PCDH11X: variants seen among roughly 807,000 people sequenced by gnomAD.
PCDH11X encodes protocadherin-11 X-linked.
In PCDH11X, 18 loss-of-function variants were observed where a neutral mutation model predicts 53.3. That is an observed-to-expected ratio of 0.34 (90% CI 0.23 to 0.50). The LOEUF (loss-of-function observed/expected upper bound fraction) is 0.50. Ranked by LOEUF, PCDH11X falls within the 20% of genes least tolerant of loss-of-function variation. The pLI, the probability that PCDH11X is intolerant of heterozygous loss-of-function variation, is 0.98. For synonymous variants in PCDH11X, 279 were observed against 393.3 expected, an observed-to-expected ratio of 0.71 and a Z score of 3.44; for missense variants, 570 against 1,032.4, an observed-to-expected ratio of 0.55 and a Z score of 6.14.
intron 6 of PCDH11X, among the ~76,000 whole-genome samples, chrX:91,955,482 A>G (rs1230303694): frequency 9.1e-6 from 1 of 110,027 alleles, no homozygotes; most frequent in South Asian, 3.9e-4. Context: ...CATTCTCAGT[A>G]GTTTCAAAGA....
intron 8 of PCDH11X, among the ~76,000 whole-genome samples, chrX:92,338,628 T>G (rs1384223013): frequency 9.0e-6 from 1 of 111,264 alleles, no homozygotes; most frequent in Non-Finnish European, 1.9e-5. Context: ...CCTAATTTTA[T>G]ACAACATGAC....
intron 6 of PCDH11X, among the ~76,000 whole-genome samples, chrX:92,012,792 G>A (rs1041611004): frequency 2.7e-5 from 3 of 111,344 alleles, no homozygotes; most frequent in Admixed American, 9.6e-5. Flanking sequence ...GCAATAAAAC[G>A]AATATTCAAA....
intron 6 of PCDH11X, among the ~76,000 whole-genome samples, chrX:92,144,175 A>C (rs2065234435): frequency 9.1e-6 from 1 of 110,224 alleles, no homozygotes; most frequent in Non-Finnish European, 1.9e-5. Context: ...GCCTTGGCTC[A>C]GATGAGACTT....
intron 6 of PCDH11X, among the ~76,000 whole-genome samples, chrX:91,907,412 C>CCCACACACAGAG (rs1556333002): frequency 3.5e-5 from 2 of 57,469 alleles, no homozygotes; most frequent in African/African-American, 1.5e-4. Flanking sequence ...CACACACACA[C>CCCACACACAGAG]AGAGAGAGAG....
intron 6 of PCDH11X, among the ~76,000 whole-genome samples, chrX:91,966,078 A>C (rs1188992847): frequency 9.0e-6 from 1 of 111,531 alleles, no homozygotes; most frequent in Non-Finnish European, 1.9e-5. Context: ...AGGGGCAAGG[A>C]AACAATCATG....
chrX:91,985,139 G>GT (rs1350949151), intron 6 of PCDH11X, among the ~76,000 whole-genome samples: 1 of 111,934 alleles, frequency 8.9e-6, no homozygotes, highest in Non-Finnish European at 1.9e-5. Context: ...TATGGGTTTT[G>GT]TAGCAGGAGA....
At chrX:91,922,848 C>A (rs1941796567) in intron 6 of PCDH11X, among the ~76,000 whole-genome samples, 1 of 110,748 alleles carries the variant, frequency 9.0e-6, no homozygotes, top group South Asian at 3.9e-4. Context: ...GAGGTTAAAT[C>A]ACTTTTGCAG....
At chrX:91,983,162 G>T (rs1165701087) in intron 6 of PCDH11X, 1 of 937,635 alleles carries the variant, frequency 1.1e-6, no homozygotes, top group Non-Finnish European at 1.5e-6. Flanking sequence ...ACCCTGTCTT[G>T]ATTTTAGCAT....
At chrX:92,036,837 A>G (rs1390010469) in intron 6 of PCDH11X, among the ~76,000 whole-genome samples, 1 of 110,478 alleles carries the variant, frequency 9.1e-6, no homozygotes, top group Admixed American at 9.7e-5. Flanking sequence ...TTTGCCCAAG[A>G]TTCTGATAGT....
At chrX:92,515,063 AG>A (rs200738462) in intron 10 of PCDH11X, among the ~76,000 whole-genome samples, 909 of 84,888 alleles carry the variant, frequency 0.011, 58 homozygotes, top group African/African-American at 0.031. Flanking sequence ...AAAAAAAAAA[AG>A]AAAAGAAAAG....
chrX:92,597,507 C>T lies in PCDH11X; in HGVS notation c.3368-20757C>T, dbSNP rs148294555. Among the ~76,000 whole-genome samples, 731 of 111,187 alleles carry T rather than the reference C, an allele frequency of 6.6e-3. 4 individuals carry two copies. Among genetic ancestry groups the T allele is most frequent in the African/African-American group, 0.023 (691 of 30,694 alleles). On this transcript the variant is annotated intron_variant, in intron 10 of 10. Transcript: ENST00000682573. ...ATCGCTATAATAAAAAACTATAAAA[C>T]ACTGACGAAAAAAATTTCAGAGAAC...
chrX:91,880,129 A>C, intron 6 of PCDH11X: 1 of 114,204 alleles, frequency 8.8e-6, no homozygotes, highest in African/African-American at 3.4e-5. Context: ...TGAAAGCAAG[A>C]GTTTATCCAG....
chrX:91,919,608 G>A (rs1460990139), intron 6 of PCDH11X, among the ~76,000 whole-genome samples: 1 of 111,070 alleles, frequency 9.0e-6, no homozygotes, highest in African/African-American at 3.3e-5. Flanking sequence ...AGGACATAAA[G>A]AGTGACGGGG....
intron 8 of PCDH11X, among the ~76,000 whole-genome samples, chrX:92,357,912 A>T (rs2148535613): frequency 1.8e-5 from 2 of 111,367 alleles, no homozygotes; most frequent in South Asian, 7.6e-4. Flanking sequence ...CCTGCAGATA[A>T]AATTTTGGTC....
In PCDH11X at chrX:92,621,851, TATATG is replaced by T. The variant is rs1928528584; in HGVS notation, c.*2913_*2917del. Reference sequence around the variant, plus strand: ...AATTAAAACTTCAAGCTGAATGACTTATATGAGAATAATACGTTCAATCAAAGTAG... The same window carrying T: ...AATTAAAACTTCAAGCTGAATGACTTAGAATAATACGTTCAATCAAAGTAG... On this transcript the variant is annotated 3_prime_UTR_variant, in exon 11 of 11. Coordinates refer to ENST00000682573, the MANE Select transcript of PCDH11X (RefSeq NM_032968.5). 1 of 111,444 alleles carries T rather than the reference TATATG, an allele frequency of 9.0e-6. No individual in the cohort carries two copies. Among genetic ancestry groups the T allele is most frequent in the Admixed American group, 9.6e-5 (1 of 10,406 alleles). 9.2% of individuals were successfully genotyped at this position (111,444 alleles called of 1,213,427 possible). A position where few individuals can be genotyped will look rare whatever the true frequency, so the allele number is the denominator to read the frequency against.
rs1317921058 is a variant in PCDH11X, at chrX:92,535,437, C to T, written c.3367+67115C>T. Among the ~76,000 whole-genome samples the T allele has an allele frequency of 2.7e-5, 3 of 110,671 alleles. No homozygotes were observed. In the East Asian group the frequency reaches 8.6e-4, roughly 32 times the overall value. On this transcript the variant is annotated intron_variant, in intron 10 of 10. Transcript: ENST00000682573. ...AACATGGGAACAGAAAACCAAATAC[C>T]GCATGTTCTCACTTATCAGTGTAAG...
intron 10 of PCDH11X, among the ~76,000 whole-genome samples, chrX:92,491,408 C>G (rs1205659687): frequency 2.5e-4 from 28 of 110,095 alleles, no homozygotes; most frequent in Admixed American, 7.8e-4. Flanking sequence ...TTGTTGATAT[C>G]TTGTATTCAG....
intron 6 of PCDH11X, among the ~76,000 whole-genome samples, chrX:92,048,784 C>A (rs150324886): frequency 9.0e-6 from 1 of 111,637 alleles, no homozygotes; most frequent in Non-Finnish European, 1.9e-5. Flanking sequence ...GACCATGGCC[C>A]GTGACACAGC....
chrX:91,912,810 A>G (rs1475507766), intron 6 of PCDH11X, among the ~76,000 whole-genome samples: 1 of 110,867 alleles, frequency 9.0e-6, no homozygotes, highest in Non-Finnish European at 1.9e-5. Context: ...AAGAATTCAC[A>G]GATCCTTTGA....
Sources: allele counts gnomAD v4.1 joint callset (sites outside exome capture counted in the v4.1 genomes callset), GRCh38; gene constraint gnomAD v4.1.1; transcripts MANE v1.5; gene names NCBI Gene and HGNC (gene_info 2026-07-23, HGNC 2026-07-21).